The following SDHAF3 variants were observed in gnomAD, a reference collection of about 807,000 sequenced individuals.
SDHAF3 encodes the protein succinate dehydrogenase complex assembly factor 3.
Under a neutral mutation model 11.5 loss-of-function variants are expected in SDHAF3, and 18 were observed. That is an observed-to-expected ratio of 1.56 (90% CI 1.08 to 2.32). The LOEUF is 2.32. Among genes scored for constraint, SDHAF3 ranks in the 30% most tolerant of loss-of-function variants. The probability of loss-of-function intolerance (pLI) is 0.00; values close to 1 mark genes in which losing one functional copy is unlikely to be tolerated. For synonymous variants in SDHAF3, 72 were observed against 59.3 expected (o/e 1.21, Z -0.99); for missense variants, 200 against 154.4 (o/e 1.30, Z -1.57).
In SDHAF3 at chr7:97,136,231, A is replaced by G. The variant is rs568389937; in HGVS notation, c.174+18334A>G. Among the ~76,000 whole-genome samples the G allele has an allele frequency of 2.6e-5, 4 of 152,304 alleles. No individual in the cohort carries two copies. The East Asian group carries it at 7.7e-4, about 29-fold the overall frequency. ...AGTGTATTTCTGAAGAATTCTTTATAAACTGATTTTTTTTGAAACATAACT... is the reference window on the plus strand; with the variant it reads ...AGTGTATTTCTGAAGAATTCTTTATGAACTGATTTTTTTTGAAACATAACT... On this transcript the variant is annotated intron_variant, in intron 1 of 1. Transcript: ENST00000432641.
At chr7:97,154,853 C>T (rs1433746900) in intron 1 of SDHAF3, among the ~76,000 whole-genome samples, 2 of 151,946 alleles carry the variant, frequency 1.3e-5, no homozygotes, top group Non-Finnish European at 2.9e-5. Flanking sequence ...TTATTTTTTG[C>T]TTAGGGATAT....
At chr7:97,177,363 G>A (rs770410979) in intron 1 of SDHAF3, among the ~76,000 whole-genome samples, 2 of 151,836 alleles carry the variant, frequency 1.3e-5, no homozygotes, top group Admixed American at 6.6e-5. Flanking sequence ...TTACCTGGGC[G>A]TGATGGTGGG....
Position 97,181,416 on chromosome 7 carries a change from T to TAA in SDHAF3, c.*201_*202insAA, listed in dbSNP as rs1789772592. ...AACTATTGGAATAATAGCACTTGTATGAAATTCAGTTTTGGAACTAAACAG... is the reference window on the plus strand; with the variant it reads ...AACTATTGGAATAATAGCACTTGTATAAGAAATTCAGTTTTGGAACTAAACAG... On this transcript the variant is annotated 3_prime_UTR_variant, in exon 2 of 2. Coordinates refer to ENST00000432641, the MANE Select transcript of SDHAF3 (RefSeq NM_020186.3). The TAA allele has an allele frequency of 1.1e-5, 5 of 461,544 alleles. No individual in the cohort carries two copies. The highest frequency in any genetic ancestry group is 1.9e-5 in the Non-Finnish European group (5 of 264,386). The allele number at this position is 461,544 out of a possible 1,614,324, so 28.6% of individuals were successfully genotyped here. A position where few individuals can be genotyped will look rare whatever the true frequency, so the allele number is the denominator to read the frequency against.
intron 1 of SDHAF3, among the ~76,000 whole-genome samples, chr7:97,146,600 T>A (rs1440886775): frequency 6.6e-6 from 1 of 152,184 alleles, no homozygotes; most frequent in Non-Finnish European, 1.5e-5. Flanking sequence ...AATTTGGTTT[T>A]AATTTTTTTA....
chr7:97,172,192 C>T (rs1484860264), intron 1 of SDHAF3, among the ~76,000 whole-genome samples: 3 of 152,100 alleles, frequency 2.0e-5, no homozygotes, highest in Non-Finnish European at 2.9e-5. Flanking sequence ...AGCATATATC[C>T]ATGATATTTT....
At chr7:97,165,357 CTTTTTTTT>C (rs10653828) in intron 1 of SDHAF3, among the ~76,000 whole-genome samples, 3 of 77,024 alleles carry the variant, frequency 3.9e-5, no homozygotes, top group East Asian at 4.3e-4. Flanking sequence ...ATTTTCCTAC[CTTTTTTTT>C]TTTTTTTTTT....
At chr7:97,156,493 T>C (rs1027465101) in intron 1 of SDHAF3, among the ~76,000 whole-genome samples, 36 of 152,220 alleles carry the variant, frequency 2.4e-4, no homozygotes, top group African/African-American at 6.8e-4. Flanking sequence ...AGAACATTCT[T>C]TATGGGCATC....
intron 1 of SDHAF3, among the ~76,000 whole-genome samples, chr7:97,166,746 C>CA (rs1554354522): frequency 4.6e-5 from 7 of 150,666 alleles, no homozygotes; most frequent in East Asian, 2.0e-4. Flanking sequence ...AGTTAGTTGG[C>CA]GGGGGGGGCT....
At chr7:97,174,981 A>C (rs1402390396) in intron 1 of SDHAF3, among the ~76,000 whole-genome samples, 9 of 152,124 alleles carry the variant, frequency 5.9e-5, no homozygotes, top group Non-Finnish European at 2.9e-5. Flanking sequence ...TGATAATTAG[A>C]TGTAGAGGCT....
At chr7:97,133,627 G>A (rs1050861555) in intron 1 of SDHAF3, among the ~76,000 whole-genome samples, 2 of 152,050 alleles carry the variant, frequency 1.3e-5, no homozygotes, top group Non-Finnish European at 1.5e-5. Flanking sequence ...ACGTGTTAAT[G>A]GATTAAACTA....
At chr7:97,144,873 G>A (rs1307093073) in intron 1 of SDHAF3, among the ~76,000 whole-genome samples, 4 of 151,350 alleles carry the variant, frequency 2.6e-5, no homozygotes, top group Non-Finnish European at 5.9e-5. Flanking sequence ...GGGATTGCAC[G>A]GAATTTGTAG....
At chr7:97,166,856 T>A (rs894728091) in intron 1 of SDHAF3, among the ~76,000 whole-genome samples, 29 of 152,158 alleles carry the variant, frequency 1.9e-4, no homozygotes, top group African/African-American at 6.8e-4. Context: ...GTAGAAATAA[T>A]AATTGCTGTC....
chr7:97,149,115 G>A (rs1789179913), intron 1 of SDHAF3, among the ~76,000 whole-genome samples: 1 of 151,470 alleles, frequency 6.6e-6, no homozygotes, highest in South Asian at 2.1e-4. Flanking sequence ...TATTTTTTTT[G>A]TAGAGACATG....
At chr7:97,148,096 T>C (rs1252237982) in intron 1 of SDHAF3, among the ~76,000 whole-genome samples, 1 of 152,014 alleles carries the variant, frequency 6.6e-6, no homozygotes, top group Non-Finnish European at 1.5e-5. Context: ...GGTTTCACCA[T>C]GTCGTCAAGC....
intron 1 of SDHAF3, among the ~76,000 whole-genome samples, chr7:97,128,362 T>C (rs1179117740): frequency 2.0e-5 from 3 of 152,210 alleles, no homozygotes; most frequent in African/African-American, 7.2e-5. Context: ...ATTGGTGTTA[T>C]AAAATGTGTT....
chr7:97,181,704 A>C lies in SDHAF3; in HGVS notation c.*489A>C, dbSNP rs1393920114. 6.5e-6 allele frequency: 1 copy of C among 153,574 alleles called. No individual in the cohort carries two copies. Among genetic ancestry groups the C allele is most frequent in the African/African-American group, 2.4e-5 (1 of 41,452 alleles). 9.5% of individuals were successfully genotyped at this position (153,574 alleles called of 1,614,324 possible). On this transcript the variant is annotated 3_prime_UTR_variant, in exon 2 of 2. Coordinates refer to ENST00000432641, the MANE Select transcript of SDHAF3 (RefSeq NM_020186.3). The stretch of plus-strand genomic sequence containing the variant: ...CATTCACAATGAAAGGTTAGGAAGA[A>C]GCTTTAAAATTCACTATTTTACTAT...
chr7:97,179,474 ATTTTT>A (rs1209427318), intron 1 of SDHAF3, among the ~76,000 whole-genome samples: 1 of 134,126 alleles, frequency 7.5e-6, no homozygotes, highest in Non-Finnish European at 1.7e-5. Context: ...AATTATTTCC[ATTTTT>A]TTTTTTTTTT....
intron 1 of SDHAF3, among the ~76,000 whole-genome samples, chr7:97,158,113 GTTAAC>G (rs140847892): frequency 0.18 from 27,757 of 151,560 alleles, 2,919 homozygotes; most frequent in Non-Finnish European, 0.25. Flanking sequence ...TTGTGCACAG[GTTAAC>G]TTAAAGTATA....
At chr7:97,175,467 C>T (rs913790262) in intron 1 of SDHAF3, among the ~76,000 whole-genome samples, 5 of 152,150 alleles carry the variant, frequency 3.3e-5, no homozygotes, top group African/African-American at 7.2e-5. Flanking sequence ...CGTGAGTTCT[C>T]ATCATTTAGC....
Sources: gnomAD v4.1 joint callset for allele counts (sites outside exome capture counted in the v4.1 genomes callset) on GRCh38, gnomAD v4.1.1 for gene constraint, MANE v1.5 for transcripts, NCBI Gene and HGNC (gene_info 2026-07-23, HGNC 2026-07-21) for gene names.